CCDC148: variants seen among roughly 807,000 people sequenced by gnomAD.
CCDC148 encodes the protein coiled-coil domain containing 148.
In CCDC148, 89 loss-of-function variants were observed where a neutral mutation model predicts 85.7. The observed-to-expected ratio is 1.04, with a 90% CI of 0.87 to 1.24. The LOEUF (loss-of-function observed/expected upper bound fraction) is 1.24. Among genes scored for constraint, CCDC148 ranks in the 50% most tolerant of loss-of-function variants. The probability of loss-of-function intolerance (pLI) is 0.00; values close to 1 mark genes in which losing one functional copy is unlikely to be tolerated. For missense variants in CCDC148, 692 were observed against 671.7 expected, an observed-to-expected ratio of 1.03 and a Z score of -0.33; for synonymous variants, 230 against 213.9, an observed-to-expected ratio of 1.08 and a Z score of -0.66.
At chr2:158,208,211 G>T (rs899836453) in intron 11 of CCDC148, among the ~76,000 whole-genome samples, 1 of 152,214 alleles carries the variant, frequency 6.6e-6, no homozygotes, top group Non-Finnish European at 1.5e-5. Context: ...GGAATGAAGC[G>T]AGTACATTTT....
intron 9 of CCDC148, among the ~76,000 whole-genome samples, chr2:158,293,249 C>G (rs1442870709): frequency 6.6e-6 from 1 of 152,132 alleles, no homozygotes; most frequent in Non-Finnish European, 1.5e-5. Flanking sequence ...TTCACAATAT[C>G]TATGGCATTA....
At chr2:158,201,986 C>T (rs2105283199) in intron 11 of CCDC148, among the ~76,000 whole-genome samples, 1 of 152,190 alleles carries the variant, frequency 6.6e-6, no homozygotes, top group Non-Finnish European at 1.5e-5. Context: ...CATGGCATAA[C>T]AAAGTGTGTG....
chr2:158,186,953 C>T (rs1183790985), intron 11 of CCDC148, among the ~76,000 whole-genome samples: 1 of 151,966 alleles, frequency 6.6e-6, no homozygotes, highest in Non-Finnish European at 1.5e-5. Context: ...TCTCATCTAC[C>T]CTGCCAATAT....
At chr2:158,252,523 A>G (rs1236877684) in intron 9 of CCDC148, among the ~76,000 whole-genome samples, 1 of 151,710 alleles carries the variant, frequency 6.6e-6, no homozygotes, top group Non-Finnish European at 1.5e-5. Flanking sequence ...CTACCCCTAA[A>G]TACCCAAAAG....
At chr2:158,248,030 G>T (rs980131185) in intron 10 of CCDC148, among the ~76,000 whole-genome samples, 3 of 152,160 alleles carry the variant, frequency 2.0e-5, no homozygotes, top group African/African-American at 7.2e-5. Context: ...TTTAAGCCCT[G>T]CATGCATTAG....
chr2:158,283,688 C>A (rs937113408), intron 9 of CCDC148, among the ~76,000 whole-genome samples: 41 of 151,774 alleles, frequency 2.7e-4, no homozygotes, highest in Non-Finnish European at 4.4e-5. Flanking sequence ...GGACTGTAAA[C>A]TAGTTCAACC....
chr2:158,340,426 C>T (rs984816954), intron 4 of CCDC148, 33 bp from the exon 5 acceptor site: 2 of 1,605,582 alleles, frequency 1.2e-6, no homozygotes, highest in Non-Finnish European at 1.7e-6. Context: ...TAAAGGAACA[C>T]ATTATTATTT....
intron 13 of CCDC148, among the ~76,000 whole-genome samples, chr2:158,174,045 T>C (rs1455892509): frequency 1.3e-5 from 2 of 151,992 alleles, no homozygotes; most frequent in Non-Finnish European, 1.5e-5. Flanking sequence ...GTAAAACAAA[T>C]TCTCTCTTTC....
chr2:158,420,566 T>A (rs1483620096), intron 1 of CCDC148, among the ~76,000 whole-genome samples: 1 of 152,034 alleles, frequency 6.6e-6, no homozygotes, highest in African/African-American at 2.4e-5. Flanking sequence ...CAGGCCTGCC[T>A]TACAAGAGCT....
chr2:158,262,803 G>T (rs773391350), intron 9 of CCDC148, among the ~76,000 whole-genome samples: 4 of 151,938 alleles, frequency 2.6e-5, no homozygotes, highest in Non-Finnish European at 4.4e-5. Flanking sequence ...CCCTTGAAAC[G>T]TGGGGATTAC....
chr2:158,212,736 A>C (rs775710450), intron 11 of CCDC148, among the ~76,000 whole-genome samples: 1 of 152,226 alleles, frequency 6.6e-6, no homozygotes, highest in Non-Finnish European at 1.5e-5. Context: ...ACATACACAC[A>C]CATACATACA....
intron 1 of CCDC148, among the ~76,000 whole-genome samples, chr2:158,377,081 T>G (rs1181449169): frequency 6.6e-6 from 1 of 152,078 alleles, no homozygotes; most frequent in African/African-American, 2.4e-5. Context: ...GGGACGATTC[T>G]CCACTATCCT....
chr2:158,262,223 G>C (rs1193668941), intron 9 of CCDC148, among the ~76,000 whole-genome samples: 1 of 152,010 alleles, frequency 6.6e-6, no homozygotes, highest in Non-Finnish European at 1.5e-5. Context: ...AACATGGATG[G>C]AGCTGGAGGG....
chr2:158,414,269 A>G (rs538986402), intron 1 of CCDC148, among the ~76,000 whole-genome samples: 1 of 152,354 alleles, frequency 6.6e-6, no homozygotes, highest in East Asian at 1.9e-4. Context: ...AAAAATAAAT[A>G]TCTCCACAAA....
At chr2:158,303,318 C>G (rs1310202556) in intron 9 of CCDC148, among the ~76,000 whole-genome samples, 1 of 152,104 alleles carries the variant, frequency 6.6e-6, no homozygotes, top group African/African-American at 2.4e-5. Flanking sequence ...TAAATATCTT[C>G]TATTATTTTG....
intron 9 of CCDC148, among the ~76,000 whole-genome samples, chr2:158,304,308 T>C (rs1364989908): frequency 1.3e-5 from 2 of 152,150 alleles, no homozygotes; most frequent in South Asian, 2.1e-4. Flanking sequence ...GACACTGTCC[T>C]AAGTAAGCTA....
chr2:158,313,922 A>G, intron 7 of CCDC148, 28 bp from the exon 8 acceptor site: 1 of 1,596,088 alleles, frequency 6.3e-7, no homozygotes, highest in Non-Finnish European at 8.5e-7. Flanking sequence ...GTCACAACAT[A>G]TTATTGAGCA....
intron 11 of CCDC148, among the ~76,000 whole-genome samples, chr2:158,186,699 C>A (rs1311459484): frequency 6.6e-6 from 1 of 151,928 alleles, no homozygotes; most frequent in Non-Finnish European, 1.5e-5. Flanking sequence ...ACTGAGGAAG[C>A]CATACATTCT....
At chr2:158,356,946 T>C (rs1213204074) in intron 2 of CCDC148, among the ~76,000 whole-genome samples, 7 of 146,642 alleles carry the variant, frequency 4.8e-5, no homozygotes, top group East Asian at 4.0e-4. Context: ...ATGGATGAAA[T>C]TGGAAAACAT....
Sources: allele counts gnomAD v4.1 joint callset (sites outside exome capture counted in the v4.1 genomes callset), GRCh38; gene constraint gnomAD v4.1.1; transcripts MANE v1.5; gene names NCBI Gene and HGNC (gene_info 2026-07-23, HGNC 2026-07-21).